CCPG1: variants seen among roughly 807,000 people sequenced by gnomAD.
CCPG1 encodes cell cycle progression 1.
Under a neutral mutation model 81.3 loss-of-function variants are expected in CCPG1, and 46 were observed. That is an observed-to-expected ratio of 0.57 (90% confidence interval 0.45 to 0.72). The LOEUF (loss-of-function observed/expected upper bound fraction) is 0.72, where lower values mean the gene tolerates loss of function less well. Among genes scored for constraint, CCPG1 ranks in the 30% least tolerant of loss-of-function variants. The probability of loss-of-function intolerance (pLI) is 0.00; values close to 1 mark genes in which losing one functional copy is unlikely to be tolerated. For synonymous variants in CCPG1, 330 were observed against 305.2 expected (o/e 1.08, Z -0.85); for missense variants, 902 against 937.6 (o/e 0.96, Z 0.50).
chr15:55,363,929 A>G (rs1201356872), intron 7 of CCPG1, among the ~76,000 whole-genome samples: 1 of 148,566 alleles, frequency 6.7e-6, no homozygotes, highest in Non-Finnish European at 1.5e-5. Context: ...TAAGCCTCCC[A>G]AAAAGCTGGG....
Position 55,355,345 on chromosome 15 carries a change from T to A in CCPG1, c.*875A>T. 6.2e-7 allele frequency: 1 copy of A among 1,611,150 alleles called. No individual in the cohort carries two copies. The highest frequency in any genetic ancestry group is 8.5e-7 in the Non-Finnish European group (1 of 1,177,492). On this transcript the variant is annotated 3_prime_UTR_variant, in exon 9 of 9. Coordinates refer to ENST00000442196, the MANE Select transcript of CCPG1 (RefSeq NM_001204450.2). ...AAAGAACTGCTGTTTTCTTCCACACTCACTTGCCAGAGGGTCGAATTGGAA... is the reference window on the plus strand; with the variant it reads ...AAAGAACTGCTGTTTTCTTCCACACACACTTGCCAGAGGGTCGAATTGGAA...
intron 6 of CCPG1, among the ~76,000 whole-genome samples, chr15:55,366,284 G>GT (rs1166916441): frequency 3.3e-5 from 5 of 151,520 alleles, no homozygotes; most frequent in Non-Finnish European, 2.9e-5. Context: ...TTCACAGGTC[G>GT]TAAGTCAATA....
At position 55,356,164 on chromosome 15, in the gene CCPG1, A is replaced by AT; in HGVS notation, c.*55dup. 7.6e-7 allele frequency: 1 copy of AT among 1,315,670 alleles called. No homozygotes were observed. Among genetic ancestry groups the AT allele is most frequent in the Non-Finnish European group, 1.0e-6 (1 of 970,318 alleles). The allele number at this position is 1,315,670 out of a possible 1,614,324, so 81.5% of individuals were successfully genotyped here. A position where few individuals can be genotyped will look rare whatever the true frequency, so the allele number is the denominator to read the frequency against. ...AATTTCATTAGTTTCAATACCAAAC[A>AT]TTATACAAAGCATAAATTTTTCTCT... On this transcript the variant is annotated 3_prime_UTR_variant, in exon 9 of 9. Coordinates refer to ENST00000442196, the MANE Select transcript of CCPG1 (RefSeq NM_001204450.2).
At chr15:55,391,340 G>T (rs1482070949) in intron 1 of CCPG1, among the ~76,000 whole-genome samples, 2 of 152,154 alleles carry the variant, frequency 1.3e-5, no homozygotes, top group Non-Finnish European at 2.9e-5. Flanking sequence ...GGTCTGGAAG[G>T]CCTGGCCTCA....
intron 2 of CCPG1, 60 bp from the exon 3 acceptor site, chr15:55,385,774 A>G: frequency 1.2e-6 from 1 of 849,610 alleles, no homozygotes; most frequent in Non-Finnish European, 2.0e-6. Flanking sequence ...GCTAGATTTG[A>G]CTACATGTAA....
Position 55,356,384 on chromosome 15 carries a change from C to T in CCPG1, c.2260G>A (p.Val754Ile). Residue 754 changes from valine (V) to isoleucine (I), a missense_variant, in exon 9 of 9, where the codon GTA becomes ATA. Transcript: ENST00000442196. ...PSRPDKKQRMVNIENSRHRKQ... is the reference protein window; with the variant it reads ...PSRPDKKQRMINIENSRHRKQ... ...CGATGCCTGGAGTTTTCAATATTTA[C>T]CATACGTTGCTTTTTATCAGGTCGA... The T allele has an allele frequency of 6.5e-7, 1 of 1,532,386 alleles. No individual in the cohort carries two copies. The highest frequency in any genetic ancestry group is 1.4e-5 in the African/African-American group (1 of 72,988). 94.9% of individuals were successfully genotyped at this position (1,532,386 alleles called of 1,614,324 possible).
At chr15:55,396,026 C>T (rs931272514) in intron 1 of CCPG1, among the ~76,000 whole-genome samples, 4 of 151,900 alleles carry the variant, frequency 2.6e-5, no homozygotes, top group East Asian at 1.9e-4. Flanking sequence ...TGCTGGCGTG[C>T]GCCTGTAGTC....
chr15:55,396,634 A>C (rs765306504), intron 1 of CCPG1, among the ~76,000 whole-genome samples: 14 of 152,202 alleles, frequency 9.2e-5, no homozygotes, highest in Admixed American at 4.6e-4. Context: ...GTCGACAAAA[A>C]CAGTCAAACC....
intron 3 of CCPG1, among the ~76,000 whole-genome samples, chr15:55,383,933 G>A (rs948409336): frequency 3.9e-5 from 6 of 152,152 alleles, no homozygotes; most frequent in African/African-American, 1.4e-4. Flanking sequence ...TCATTCATGT[G>A]TTCACTAAGA....
At chr15:55,372,939 G>T (rs751633004) in intron 5 of CCPG1, 1 of 534,644 alleles carries the variant, frequency 1.9e-6, no homozygotes. Flanking sequence ...CCAGAAGTCA[G>T]ATGAGCCCTT....
chr15:55,381,746 T>C (rs2056701011), intron 3 of CCPG1, among the ~76,000 whole-genome samples: 1 of 152,214 alleles, frequency 6.6e-6, no homozygotes, highest in African/African-American at 2.4e-5. Flanking sequence ...GTGTATGCAG[T>C]AATTGTTCAG....
intron 1 of CCPG1, among the ~76,000 whole-genome samples, chr15:55,397,191 G>A (rs1342587298): frequency 6.6e-6 from 1 of 151,544 alleles, no homozygotes; most frequent in Non-Finnish European, 1.5e-5. Context: ...TCCAGCCTGG[G>A]CGACAGAGCG....
intron 6 of CCPG1, among the ~76,000 whole-genome samples, chr15:55,368,900 T>A (rs1211112116): frequency 3.3e-5 from 5 of 151,834 alleles, no homozygotes; most frequent in African/African-American, 1.2e-4. Flanking sequence ...TCACTTAAGG[T>A]CAGGAGTTCG....
intron 1 of CCPG1, among the ~76,000 whole-genome samples, chr15:55,395,863 A>G (rs2057006592): frequency 6.6e-6 from 1 of 152,038 alleles, no homozygotes; most frequent in Non-Finnish European, 1.5e-5. Flanking sequence ...TCTTTACAGA[A>G]CTCAAAATTA....
At chr15:55,361,638 G>A (rs890127035) in intron 7 of CCPG1, among the ~76,000 whole-genome samples, 2 of 151,362 alleles carry the variant, frequency 1.3e-5, no homozygotes, top group African/African-American at 4.8e-5. Context: ...CCCGGGAGGC[G>A]AATGTTGCAG....
rs1208649316 is a variant in CCPG1 at position 55,355,288 on chromosome 15, A to C, written c.*932T>G. ...CTTAAACATTTATTTGCTTCTAGGA[A>C]ATAAGCGCTTTCCTAATTTCAAGCA... On this transcript the variant is annotated 3_prime_UTR_variant, in exon 9 of 9. Transcript: ENST00000442196. 4 of 1,604,756 alleles carry C rather than the reference A, an allele frequency of 2.5e-6. No individual in the cohort carries two copies. In the African/African-American group the frequency reaches 5.4e-5, roughly 22 times the overall value.
chr15:55,385,110 G>C (rs1263998308), intron 3 of CCPG1, among the ~76,000 whole-genome samples: 1 of 152,028 alleles, frequency 6.6e-6, no homozygotes, highest in Non-Finnish European at 1.5e-5. Flanking sequence ...TAAACCCCTG[G>C]GGCAGGCTGA....
At chr15:55,356,518 G>A (rs2056079338) in intron 8 of CCPG1, 109 bp from the exon 9 acceptor site, 1 of 1,277,838 alleles carries the variant, frequency 7.8e-7, no homozygotes, top group Admixed American at 3.6e-5. Flanking sequence ...ACTGATAAAA[G>A]ATATTAAATA....
rs2056159281 is a variant in CCPG1 at position 55,360,040 on chromosome 15, G to A, written c.1733C>T (p.Thr578Ile). The stretch of plus-strand genomic sequence containing the variant: ...AGGGCCTCTATTATGATGGTTTTCT[G>A]TAGGTGCCTTATACTGTGGATGTAA... ...DYLHPQYKAP[T>I]ENHHNRGPTM... The change falls in exon 8 of 9, where the codon ACA becomes ATA. Residue 578 changes from threonine (T) to isoleucine (I), a missense_variant. This residue lies in a region of CCPG1 where 746 missense variants were observed against 728.6 expected (regional missense o/e 1.02). Transcript: ENST00000442196. 2 of 1,613,582 alleles carry A rather than the reference G, an allele frequency of 1.2e-6. No individual in the cohort carries two copies. The highest frequency in any genetic ancestry group is 1.7e-6 in the Non-Finnish European group (2 of 1,179,922).
Sources: allele counts gnomAD v4.1 joint callset (sites outside exome capture counted in the v4.1 genomes callset), GRCh38; gene constraint gnomAD v4.1.1; regional missense constraint gnomAD v4.1.1; transcripts MANE v1.5; gene names NCBI Gene and HGNC (gene_info 2026-07-23, HGNC 2026-07-21).